Variants in MLPH observed in about 807,000 individuals in gnomAD.
The protein encoded by MLPH is melanophilin.
MLPH carries 51 observed loss-of-function variants against 72.1 expected under a neutral mutation model. The observed-to-expected ratio is 0.71, with a 90% CI of 0.56 to 0.89. The LOEUF (loss-of-function observed/expected upper bound fraction) is 0.89. MLPH is among the 40% of genes least tolerant of loss of function. MLPH has a pLI of 0.00. For missense variants in MLPH, 743 were observed against 759.9 expected, an observed-to-expected ratio of 0.98 and a Z score of 0.26; for synonymous variants, 301 against 310.1, an observed-to-expected ratio of 0.97 and a Z score of 0.31.
intron 14 of MLPH, 62 bp from the exon 15 acceptor site, chr2:237,552,275 C>CA: frequency 7.1e-7 from 1 of 1,412,422 alleles, no homozygotes; most frequent in Non-Finnish European, 1.0e-6. Context: ...GAGGCCAAGG[C>CA]ACTTGTTTGG....
At chr2:237,552,282 T>A (rs1360783727) in intron 14 of MLPH, 55 bp from the exon 15 acceptor site, 1 of 1,511,122 alleles carries the variant, frequency 6.6e-7, no homozygotes, top group African/African-American at 1.4e-5. Context: ...AGGCACTTGT[T>A]TGGGCTAAGT....
rs201959025 is a variant in MLPH, at chr2:237,493,412, C to T, written c.-15C>T. 20 of 1,607,884 alleles carry T rather than the reference C, an allele frequency of 1.2e-5. No homozygotes were observed. Among genetic ancestry groups the T allele is most frequent in the Admixed American group, 3.3e-5 (2 of 59,984 alleles). The stretch of plus-strand genomic sequence containing the variant: ...TCCTGTGACATTCCAGGTGTGACCC[C>T]GACAAGAAGCAGAAATGGGGAAGAA... On this transcript the variant is annotated 5_prime_UTR_variant, in exon 2 of 16. Transcript: ENST00000264605.
intron 2 of MLPH, among the ~76,000 whole-genome samples, chr2:237,500,531 C>T (rs2079624472): frequency 1.3e-5 from 2 of 152,216 alleles, no homozygotes. Context: ...GACAACACAT[C>T]TAAACAATGA....
At chr2:237,519,088 T>TTTGG (rs10660491) in intron 5 of MLPH, among the ~76,000 whole-genome samples, 11,545 of 137,452 alleles carry the variant, frequency 0.084, 1,341 homozygotes, top group African/African-American at 0.32. Flanking sequence ...GTTTTGTTTG[T>TTTGG]TTTTTTTTGC....
chr2:237,532,438 G>A (rs912481162), intron 8 of MLPH, among the ~76,000 whole-genome samples: 1 of 152,254 alleles, frequency 6.6e-6, no homozygotes, highest in Non-Finnish European at 1.5e-5. Context: ...GGAGACGGGA[G>A]AGGAAACGGC....
intron 5 of MLPH, 76 bp from the exon 6 acceptor site, chr2:237,519,834 G>C (rs2080139459): frequency 6.2e-7 from 1 of 1,608,302 alleles, no homozygotes; most frequent in Non-Finnish European, 8.5e-7. Flanking sequence ...TGTGGGGTTG[G>C]GGAGGTGCAG....
chr2:237,534,431 A>G, intron 8 of MLPH, 133 bp from the exon 9 acceptor site: 1 of 766,602 alleles, frequency 1.3e-6, no homozygotes, highest in Non-Finnish European at 2.4e-6. Flanking sequence ...TTCCCAGGCC[A>G]TGTCATGGGT....
intron 2 of MLPH, among the ~76,000 whole-genome samples, chr2:237,498,345 G>A (rs1239040017): frequency 2.6e-5 from 4 of 152,230 alleles, no homozygotes; most frequent in East Asian, 1.9e-4. Flanking sequence ...CATCAATCAC[G>A]TTGAAGGACG....
intron 4 of MLPH, 112 bp downstream of exon 4, chr2:237,511,213 T>TGTGCACATGTGTGTGC: frequency 1.2e-6 from 1 of 805,444 alleles, no homozygotes; most frequent in East Asian, 2.5e-5. Context: ...TGCATGTGTG[T>TGTGCACATGTGTGTGC]GTGCACATGT....
chr2:237,513,102 T>TA (rs57193032), intron 4 of MLPH, among the ~76,000 whole-genome samples: 5,809 of 138,032 alleles, frequency 0.042, 359 homozygotes, highest in African/African-American at 0.14. Flanking sequence ...GCTGTGCCTT[T>TA]AAAAAAAAAA....
intron 2 of MLPH, among the ~76,000 whole-genome samples, chr2:237,493,870 T>C (rs2079479959): frequency 6.6e-6 from 1 of 152,214 alleles, no homozygotes; most frequent in Non-Finnish European, 1.5e-5. Flanking sequence ...CATGCCATTC[T>C]GAAACACCTA....
intron 2 of MLPH, among the ~76,000 whole-genome samples, 193 bp downstream of exon 2, chr2:237,493,729 A>G (rs1245176686): frequency 6.6e-6 from 1 of 152,190 alleles, no homozygotes; most frequent in Non-Finnish European, 1.5e-5. Flanking sequence ...TGCCAAACTG[A>G]CATTCACTTG....
intron 4 of MLPH, among the ~76,000 whole-genome samples, chr2:237,517,653 G>A (rs1357592562): frequency 1.3e-5 from 2 of 151,408 alleles, no homozygotes; most frequent in East Asian, 2.0e-4. Context: ...AGGTGGAGGG[G>A]TGGATGGGTA....
intron 2 of MLPH, among the ~76,000 whole-genome samples, chr2:237,506,534 G>A (rs2079775249): frequency 6.6e-6 from 1 of 152,162 alleles, no homozygotes; most frequent in African/African-American, 2.4e-5. Context: ...CATGTGAGAG[G>A]GTCATGATCG....
chr2:237,538,539 G>A (rs2080589153), intron 9 of MLPH, among the ~76,000 whole-genome samples: 1 of 152,218 alleles, frequency 6.6e-6, no homozygotes, highest in Admixed American at 6.5e-5. Context: ...TGCTGGCGGC[G>A]TCGCTGTCCG....
Position 237,510,629 on chromosome 2 carries a change from A to G in MLPH, c.166A>G (p.Thr56Ala), listed in dbSNP as rs199799204. ...CTCCAAGAGGGAGCTGCTTTCCGAC[A>G]CTGCCCATCTGAACGAGACCCACTG... is the stretch of plus-strand genomic sequence containing the variant. The part of the protein sequence containing the change: ...ESSKRELLSD[T>A]AHLNETHCAR... The change falls in exon 3 of 16, where the codon ACT becomes GCT. Residue 56 changes from threonine (T) to alanine (A), a missense_variant. By Grantham distance (58) the Thr-to-Ala change is moderately conservative. Transcript: ENST00000264605. This position sits in a 1 kb window ranked among gnomAD's most constrained non-coding sequence, Gnocchi z 4.4. 4.8e-5 allele frequency: 78 copies of G among 1,613,732 alleles called. No homozygotes were observed. The East Asian group carries it at 1.5e-3, about 31-fold the overall frequency.
intron 9 of MLPH, among the ~76,000 whole-genome samples, chr2:237,538,437 C>T (rs964136929): frequency 1.3e-5 from 2 of 152,144 alleles, no homozygotes; most frequent in Non-Finnish European, 2.9e-5. Context: ...GACAAGGTCA[C>T]GGGAGGGTGA....
chr2:237,492,682 T>C (rs562177372), intron 1 of MLPH, among the ~76,000 whole-genome samples: 40 of 152,142 alleles, frequency 2.6e-4, no homozygotes, highest in African/African-American at 9.4e-4. Flanking sequence ...CACTTTTGCC[T>C]CCCCAGGGAA....
Position 237,549,165 on chromosome 2 carries a change from G to T in MLPH, c.1618-56G>T, listed in dbSNP as rs909693915. On this transcript the variant is annotated intron_variant, in intron 13 of 15. Transcript: ENST00000264605. Reference sequence around the variant, plus strand: ...AACAATAAGAAATCCAAAATTAGTTGACAATTCCTAAACGTCACAACTTGA... The same window carrying T: ...AACAATAAGAAATCCAAAATTAGTTTACAATTCCTAAACGTCACAACTTGA... The T allele has an allele frequency of 3.9e-6, 6 of 1,542,520 alleles. No individual in the cohort carries two copies. In the African/African-American group the frequency reaches 6.8e-5, roughly 17 times the overall value.
Sources: allele counts gnomAD v4.1 joint callset (sites outside exome capture counted in the v4.1 genomes callset), GRCh38; gene constraint gnomAD v4.1.1; non-coding constraint Gnocchi (gnomAD v3.1); transcripts MANE v1.5; gene names NCBI Gene and HGNC (gene_info 2026-07-23, HGNC 2026-07-21).